Variants in TIMM23 observed in about 807,000 individuals in gnomAD.
TIMM23 encodes the protein mitochondrial import inner membrane translocase subunit Tim23.
In TIMM23, 19 loss-of-function variants were observed where a neutral mutation model predicts 30.7. The observed-to-expected ratio is 0.62, with a 90% CI of 0.43 to 0.91. The LOEUF is 0.91. Ranked by LOEUF, TIMM23 falls within the 40% of genes least tolerant of loss-of-function variation. TIMM23 has a pLI of 0.00. For missense variants in TIMM23, 202 were observed against 269.2 expected (o/e 0.75, Z 1.75); for synonymous variants, 78 against 98.5 (o/e 0.79, Z 1.23).
intron 2 of TIMM23, among the ~76,000 whole-genome samples, chr10:45,976,926 GC>G (rs1837691055): frequency 6.6e-6 from 1 of 152,300 alleles, no homozygotes. Context: ...TCAGCAAGTT[GC>G]AGAATACAAG....
At position 45,983,944 on chromosome 10, in the gene TIMM23, G is replaced by A. The variant is rs61849500; in HGVS notation, c.344+1014G>A. Among the ~76,000 whole-genome samples the A allele has an allele frequency of 3.0e-3, 464 of 152,190 alleles. 1 individual carries two copies. The highest frequency in any genetic ancestry group is 5.1e-3 in the Non-Finnish European group (350 of 68,002). The stretch of plus-strand genomic sequence containing the variant: ...TTTTTTGTAGAGACGGGGTCTCACT[G>A]TATTGCTCAGGCTGTTCTCAAACTC... On this transcript the variant is annotated intron_variant, in intron 4 of 6. Transcript: ENST00000580018.
intron 4 of TIMM23, among the ~76,000 whole-genome samples, chr10:45,983,937 TC>T (rs1837924942): frequency 6.6e-6 from 1 of 152,074 alleles, no homozygotes; most frequent in Non-Finnish European, 1.5e-5. Flanking sequence ...AGAGACGGGG[TC>T]TCACTGTATT....
In TIMM23 at chr10:46,003,487, C is replaced by T; in HGVS notation, c.*169C>T. The T allele has an allele frequency of 3.7e-6, 2 of 547,498 alleles. No individual in the cohort carries two copies. Among genetic ancestry groups the T allele is most frequent in the Non-Finnish European group, 6.5e-6 (2 of 306,516 alleles). The allele number at this position is 547,498 out of a possible 1,614,324, so 33.9% of individuals were successfully genotyped here. A position where few individuals can be genotyped will look rare whatever the true frequency, so the allele number is the denominator to read the frequency against. ...TGGCTGACCAAGACTGGCACTTGTT[C>T]CAGCCATTAGTGAGTTGAAGCCAAA... On this transcript the variant is annotated 3_prime_UTR_variant, in exon 7 of 7. Transcript: ENST00000580018.
intron 2 of TIMM23, among the ~76,000 whole-genome samples, chr10:45,977,005 A>G (rs1590110528): frequency 6.6e-6 from 1 of 152,170 alleles, no homozygotes; most frequent in South Asian, 2.1e-4. Context: ...GAAATTACAA[A>G]AAACAGTTGA....
At chr10:45,983,670 C>T (rs1837915022) in intron 4 of TIMM23, among the ~76,000 whole-genome samples, 3 of 152,294 alleles carry the variant, frequency 2.0e-5, no homozygotes, top group African/African-American at 2.4e-5. Flanking sequence ...CTCCATCTTC[C>T]TTTCATATTG....
intron 6 of TIMM23, among the ~76,000 whole-genome samples, chr10:46,002,732 G>T (rs1356586295): frequency 6.7e-6 from 1 of 149,492 alleles, no homozygotes; most frequent in Non-Finnish European, 1.5e-5. Flanking sequence ...TACACAAGTG[G>T]TATTACTTTA....
chr10:45,985,289 G>A lies in TIMM23; in HGVS notation c.345-94G>A, dbSNP rs1429601565. 10 of 1,472,994 alleles carry A rather than the reference G, an allele frequency of 6.8e-6. No homozygotes were observed. In the African/African-American group the frequency reaches 1.4e-4, roughly 21 times the overall value. 91.2% of individuals were successfully genotyped at this position (1,472,994 alleles called of 1,614,324 possible). A position where few individuals can be genotyped will look rare whatever the true frequency, so the allele number is the denominator to read the frequency against. On this transcript the variant is annotated intron_variant, in intron 4 of 6. Coordinates refer to ENST00000580018, the MANE Select transcript of TIMM23 (RefSeq NM_006327.4). ...AGAATTTAAAAAACTTTGCGCCCTG[G>A]GTCTAGACATGTTAAATAGCCATTA... is the stretch of plus-strand genomic sequence containing the variant.
chr10:45,972,536 G>T lies in TIMM23; in HGVS notation c.-89G>T. 6.7e-7 allele frequency: 1 copy of T among 1,503,258 alleles called. No individual in the cohort carries two copies. Among genetic ancestry groups the T allele is most frequent in the East Asian group, 2.4e-5 (1 of 41,734 alleles). 93.1% of individuals were successfully genotyped at this position (1,503,258 alleles called of 1,614,324 possible). A position where few individuals can be genotyped will look rare whatever the true frequency, so the allele number is the denominator to read the frequency against. On this transcript the variant is annotated 5_prime_UTR_variant, in exon 1 of 7. Coordinates refer to ENST00000580018, the MANE Select transcript of TIMM23 (RefSeq NM_006327.4). ...GTGTGAAGTAGGCGCTGGCAACGCG[G>T]GGTTACCCGCTGTTATTGAGGAGTA...
intron 1 of TIMM23, among the ~76,000 whole-genome samples, chr10:45,973,878 C>G (rs1470304306): frequency 6.6e-6 from 1 of 151,272 alleles, no homozygotes; most frequent in African/African-American, 2.4e-5. Flanking sequence ...GTCTCAAACT[C>G]TCGAACTCAG....
Position 45,976,918 on chromosome 10 carries a change from A to G in TIMM23, c.165+1406A>G, listed in dbSNP as rs1276286034. ...TCTGTTAAAACTAATGATCGAGTTC[A>G]GCAAGTTGCAGAATACAAGTTCAAT... On this transcript the variant is annotated intron_variant, in intron 2 of 6. Transcript: ENST00000580018. 1.9e-4 allele frequency among the ~76,000 whole-genome samples: 29 copies of G among 152,372 alleles called. No individual in the cohort carries two copies. In the South Asian group the frequency reaches 6.0e-3, roughly 32 times the overall value.
chr10:46,003,187 T>C lies in TIMM23; in HGVS notation c.515-16T>C. ...ATATACAGCTATTTCATTTTCCTTT[T>C]GTCTCTGTTTCCCAGGTGGTCTTCG... On this transcript the variant is annotated splice_polypyrimidine_tract_variant and intron_variant, in intron 6 of 6. Coordinates refer to ENST00000580018, the MANE Select transcript of TIMM23 (RefSeq NM_006327.4). The C allele has an allele frequency of 1.3e-6, 2 of 1,597,910 alleles. No individual in the cohort carries two copies. Among genetic ancestry groups the C allele is most frequent in the East Asian group, 4.5e-5 (2 of 44,806 alleles).
At chr10:45,983,239 A>G (rs1554914343) in intron 4 of TIMM23, among the ~76,000 whole-genome samples, 1 of 152,020 alleles carries the variant, frequency 6.6e-6, no homozygotes, top group South Asian at 2.1e-4. Context: ...TTGAGTTGCT[A>G]ATGGGAATTT....
chr10:45,973,361 A>T (rs1837558047), intron 1 of TIMM23, among the ~76,000 whole-genome samples: 1 of 152,186 alleles, frequency 6.6e-6, no homozygotes, highest in Non-Finnish European at 1.5e-5. Flanking sequence ...GGTCTTGTGA[A>T]AATGTTTTCC....
At chr10:45,988,256 C>T (rs1554915115) in intron 5 of TIMM23, among the ~76,000 whole-genome samples, 1 of 152,214 alleles carries the variant, frequency 6.6e-6, no homozygotes, top group Non-Finnish European at 1.5e-5. Context: ...CCTGCCTGCC[C>T]AGATTCTCCC....
intron 6 of TIMM23, among the ~76,000 whole-genome samples, chr10:45,993,640 C>G (rs1489327368): frequency 1.3e-5 from 2 of 151,286 alleles, no homozygotes; most frequent in East Asian, 2.0e-4. Flanking sequence ...GGCGATAGAG[C>G]AAGTCTCTGT....
chr10:45,972,775 C>A (rs781787333), intron 1 of TIMM23, 45 bp downstream of exon 1: 17 of 1,607,834 alleles, frequency 1.1e-5, no homozygotes, highest in Non-Finnish European at 1.4e-5. Flanking sequence ...CTGGTTTTTG[C>A]GTCTACACTA....
chr10:45,991,165 A>G (rs1838152562), intron 6 of TIMM23, among the ~76,000 whole-genome samples: 2 of 152,206 alleles, frequency 1.3e-5, no homozygotes, highest in Admixed American at 6.5e-5. Flanking sequence ...AATGGACTGA[A>G]TTTTCTGATG....
chr10:46,000,826 A>G (rs1838507336), intron 6 of TIMM23, among the ~76,000 whole-genome samples: 1 of 152,188 alleles, frequency 6.6e-6, no homozygotes. Flanking sequence ...GTGTCTGCAA[A>G]AGTATTGTGT....
At chr10:45,991,473 T>G (rs1349147796) in intron 6 of TIMM23, among the ~76,000 whole-genome samples, 1 of 152,140 alleles carries the variant, frequency 6.6e-6, no homozygotes, top group Non-Finnish European at 1.5e-5. Context: ...TTGGGTCAGC[T>G]GGGCACGGTG....
Sources: gnomAD v4.1 joint callset for allele counts (sites outside exome capture counted in the v4.1 genomes callset) on GRCh38, gnomAD v4.1.1 for gene constraint, MANE v1.5 for transcripts, NCBI Gene and HGNC (gene_info 2026-07-23, HGNC 2026-07-21) for gene names.